SCAND1: variants seen among roughly 807,000 people sequenced by gnomAD.
SCAND1 encodes the protein SCAN domain-containing protein 1.
A neutral mutation model predicts 3.4 loss-of-function variants in SCAND1; 3 were observed. The observed-to-expected ratio is 0.87, with a 90% CI of 0.40 to 2.25. The LOEUF is 2.25. SCAND1 is among the 30% of genes most tolerant of loss of function. The pLI, the probability that SCAND1 is intolerant of heterozygous loss-of-function variation, is 0.05. For missense variants in SCAND1, 303 were observed against 258.8 expected (o/e 1.17, Z -1.17); for synonymous variants, 152 against 120.5 (o/e 1.26, Z -1.72).
Position 35,954,044 on chromosome 20 carries a change from C to G in SCAND1, c.241G>C (p.Val81Leu), listed in dbSNP as rs955367115. ...ALELPLGPAP[V>L]SVAPQAEAEA... ...GCTTCGGCCTGAGGCGCTACGCTCA[C>G]GGGTGCGGGCCCGAGAGGCAGCTCC... The change falls in exon 2 of 2, where the codon GTG (valine) becomes CTG (leucine). Residue 81 changes from valine to leucine, a missense_variant. Coordinates refer to ENST00000305978, the MANE Select transcript of SCAND1 (RefSeq NM_033630.3). 3.9e-6 allele frequency: 6 copies of G among 1,541,564 alleles called. No individual in the cohort carries two copies. In the Admixed American group the frequency reaches 5.9e-5, roughly 15 times the overall value.
At position 35,953,675 on chromosome 20, in the gene SCAND1, G is replaced by A. The variant is rs1424234985; in HGVS notation, c.*70C>T. On this transcript the variant is annotated 3_prime_UTR_variant, in exon 2 of 2. Coordinates refer to ENST00000305978, the MANE Select transcript of SCAND1 (RefSeq NM_033630.3). Reference sequence around the variant, plus strand: ...AACACGGGGTGGGGTCCCAGGCTCAGGCCCCCGGGCCCGATCATGGCCCCA... The same window carrying A: ...AACACGGGGTGGGGTCCCAGGCTCAAGCCCCCGGGCCCGATCATGGCCCCA... 3 of 1,053,278 alleles carry A rather than the reference G, an allele frequency of 2.8e-6. No individual in the cohort carries two copies. The allele number at this position is 1,053,278 out of a possible 1,614,324, so 65.2% of individuals were successfully genotyped here. A position where few individuals can be genotyped will look rare whatever the true frequency, so the allele number is the denominator to read the frequency against.
At chr20:35,955,023 AAGG>A (rs1568833424), upstream of SCAND1, 1 of 176,272 alleles carries the variant, frequency 5.7e-6, no homozygotes, top group Non-Finnish European at 1.4e-5. Context: ...GTCTGGCGCG[AAGG>A]AGATGCTCGA....
upstream of SCAND1, among the ~76,000 whole-genome samples, chr20:35,957,255 T>TA (rs778988757): frequency 2.4e-4 from 37 of 151,936 alleles, no homozygotes; most frequent in Non-Finnish European, 3.8e-4. Flanking sequence ...GATTCAGCAG[T>TA]AAAAAAATAA....
chr20:35,954,347 G>A lies in SCAND1; in HGVS notation c.-55-8C>T, dbSNP rs750073966. ...GTGTGCTCAGCACTGCGTCTGCGCG[G>A]GGGTGGGGTGAGCAGGGAGACGTTT... is the stretch of plus-strand genomic sequence containing the variant. On this transcript the variant is annotated splice_region_variant and splice_polypyrimidine_tract_variant and intron_variant, in intron 1 of 1. Coordinates refer to ENST00000305978, the MANE Select transcript of SCAND1 (RefSeq NM_033630.3). 1 of 1,607,240 alleles carries A rather than the reference G, an allele frequency of 6.2e-7. No individual in the cohort carries two copies. The highest frequency in any genetic ancestry group is 1.7e-5 in the Admixed American group (1 of 59,304).
upstream of SCAND1, among the ~76,000 whole-genome samples, chr20:35,956,822 G>T (rs1017298745): frequency 6.6e-6 from 1 of 152,162 alleles, no homozygotes; most frequent in Non-Finnish European, 1.5e-5. Flanking sequence ...AGAACAAAAT[G>T]GGTGGGGCTC....
At chr20:35,955,276 GT>G (rs1448023537), upstream of SCAND1, 1 of 152,396 alleles carries the variant, frequency 6.6e-6, no homozygotes, top group African/African-American at 2.4e-5. Context: ...AAAAACTGAT[GT>G]AAAAATTATC....
chr20:35,954,539 C>T (rs2056228812), upstream of SCAND1: 1 of 1,507,768 alleles, frequency 6.6e-7, no homozygotes, highest in Non-Finnish European at 8.9e-7. Flanking sequence ...AAGCCGCTTG[C>T]GGGCTCCCGG....
upstream of SCAND1, chr20:35,954,928 C>CAGAA (rs1158036757): frequency 1.5e-4 from 35 of 236,782 alleles, no homozygotes; most frequent in South Asian, 1.6e-3. Flanking sequence ...GGGAGGGGCC[C>CAGAA]ATCTGGAGAA....
chr20:35,954,846 G>GC, upstream of SCAND1: 1 of 309,646 alleles, frequency 3.2e-6, no homozygotes, highest in East Asian at 1.2e-4. Flanking sequence ...GTGACGGCTG[G>GC]CCGGGGCTCG....
At chr20:35,956,335 G>A (rs1322322206), upstream of SCAND1, among the ~76,000 whole-genome samples, 1 of 152,168 alleles carries the variant, frequency 6.6e-6, no homozygotes, top group Non-Finnish European at 1.5e-5. Context: ...GATTTCACAT[G>A]CAAATCTGGA....
chr20:35,953,713 C>A lies in SCAND1; in HGVS notation c.*32G>T, dbSNP rs11538235. On this transcript the variant is annotated 3_prime_UTR_variant, in exon 2 of 2. Coordinates refer to ENST00000305978, the MANE Select transcript of SCAND1 (RefSeq NM_033630.3). ...GATCATGGCCCCAGTCCGCACAGAG[C>A]GCCCGGCCCTGGCCGCCCGCAGCTC... The A allele has an allele frequency of 1.7e-3, 2,330 of 1,373,886 alleles. 39 individuals are homozygous for A. In the African/African-American group the frequency reaches 0.032, roughly 19 times the overall value. The allele number at this position is 1,373,886 out of a possible 1,614,324, so 85.1% of individuals were successfully genotyped here.
Position 35,953,801 on chromosome 20 carries a change from C to T in SCAND1, c.484G>A (p.Glu162Lys). The change falls in exon 2 of 2, where the codon GAG becomes AAG. Residue 162 changes from glutamate to lysine, a missense_variant. Physicochemically the swap from Glu to Lys is moderately conservative, Grantham distance 56 (BLOSUM62 1). Transcript: ENST00000305978. ...CGGATCCGCCGGGCCCGAGCCGCCT[C>T]GGGCAGGATGGCGAGCAGCTGCTCT... The part of the protein sequence containing the change: ...VQEQLLAILP[E>K]AARARRIRRR... The T allele has an allele frequency of 6.5e-7, 1 of 1,534,966 alleles. No individual in the cohort carries two copies. The highest frequency in any genetic ancestry group is 1.2e-5 in the South Asian group (1 of 83,380).
chr20:35,953,803 G>C lies in SCAND1; in HGVS notation c.482C>G (p.Pro161Arg), dbSNP rs762894242. Residue 161 changes from proline to arginine, a missense_variant, in exon 2 of 2, where the codon CCC becomes CGC. Coordinates refer to ENST00000305978, the MANE Select transcript of SCAND1 (RefSeq NM_033630.3). ...LVQEQLLAIL[P>R]EAARARRIRR... is the part of the protein sequence containing the mutation. ...GATCCGCCGGGCCCGAGCCGCCTCG[G>C]GCAGGATGGCGAGCAGCTGCTCTTG... is the stretch of plus-strand genomic sequence containing the variant. The C allele has an allele frequency of 6.5e-7, 1 of 1,538,972 alleles. No homozygotes were observed. Among genetic ancestry groups the C allele is most frequent in the Non-Finnish European group, 8.7e-7 (1 of 1,144,954 alleles).
At chr20:35,955,025 G>C (rs1379650621), upstream of SCAND1, 1 of 176,470 alleles carries the variant, frequency 5.7e-6, no homozygotes, top group Non-Finnish European at 1.4e-5. Context: ...CTGGCGCGAA[G>C]GAGATGCTCG....
upstream of SCAND1, among the ~76,000 whole-genome samples, chr20:35,957,150 A>G (rs1341905745): frequency 1.3e-5 from 2 of 152,206 alleles, no homozygotes; most frequent in Non-Finnish European, 2.9e-5. Context: ...GACCTGAGAG[A>G]TCTATTAGAA....
rs542379397 is a variant in SCAND1 at position 35,954,274 on chromosome 20, G to T, written c.11C>A (p.Thr4Lys). The change falls in exon 2 of 2, where the codon ACG (threonine) becomes AAG (lysine). Residue 4 changes from threonine to lysine, a missense_variant. Coordinates refer to ENST00000305978, the MANE Select transcript of SCAND1 (RefSeq NM_033630.3). ...CCCAGTGGCCGCCAAGATCGGCTCC[G>T]TAGCCGCCATAACTCCAGCTCCGGG... is the stretch of plus-strand genomic sequence containing the variant. MAA[T>K]EPILAATGSP... 3 of 1,612,388 alleles carry T rather than the reference G, an allele frequency of 1.9e-6. No individual in the cohort carries two copies. The South Asian group carries it at 3.3e-5, about 18-fold the overall frequency.
upstream of SCAND1, chr20:35,954,587 G>A: frequency 7.0e-7 from 1 of 1,429,282 alleles, no homozygotes; most frequent in Non-Finnish European, 9.3e-7. Flanking sequence ...CGCATGAGGC[G>A]GCTGCTGCCC....
At position 35,953,666 on chromosome 20, in the gene SCAND1, C is replaced by A; in HGVS notation, c.*79G>T. ...TTTTTCATTAACACGGGGTGGGGTC[C>A]CAGGCTCAGGCCCCCGGGCCCGATC... On this transcript the variant is annotated 3_prime_UTR_variant, in exon 2 of 2. Coordinates refer to ENST00000305978, the MANE Select transcript of SCAND1 (RefSeq NM_033630.3). The A allele has an allele frequency of 1.1e-6, 1 of 941,870 alleles. No homozygotes were observed. The highest frequency in any genetic ancestry group is 2.3e-5 in the South Asian group (1 of 43,010). 58.3% of individuals were successfully genotyped at this position (941,870 alleles called of 1,614,324 possible).
upstream of SCAND1, among the ~76,000 whole-genome samples, chr20:35,957,190 A>C (rs1186673416): frequency 6.6e-6 from 1 of 152,232 alleles, no homozygotes. Context: ...AAGGGCCCTT[A>C]GAAATGGAAT....
Sources: allele counts gnomAD v4.1 joint callset (sites outside exome capture counted in the v4.1 genomes callset), GRCh38; gene constraint gnomAD v4.1.1; transcripts MANE v1.5; gene names NCBI Gene and HGNC (gene_info 2026-07-23, HGNC 2026-07-21).